The following KLRB1 variants were observed in gnomAD, a reference collection of about 807,000 sequenced individuals.
KLRB1 encodes killer cell lectin-like receptor subfamily B member 1.
KLRB1 carries 27 observed loss-of-function variants against 33.5 expected under a neutral mutation model. The ratio of observed to expected loss-of-function variants is 0.81; its 90% CI spans 0.59 to 1.11. The LOEUF (loss-of-function observed/expected upper bound fraction) is 1.11, where lower values mean the gene tolerates loss of function less well. KLRB1 is among the 50% of genes most tolerant of loss of function. The pLI, the probability that KLRB1 is intolerant of heterozygous loss-of-function variation, is 0.00. For synonymous variants in KLRB1, 64 were observed against 88.9 expected, an observed-to-expected ratio of 0.72 and a Z score of 1.58; for missense variants, 241 against 254.1, an observed-to-expected ratio of 0.95 and a Z score of 0.35.
intron 1 of KLRB1, among the ~76,000 whole-genome samples, chr12:9,604,358 A>G (rs1864577077): frequency 6.6e-6 from 1 of 152,018 alleles, no homozygotes; most frequent in Non-Finnish European, 1.5e-5. Context: ...ATATGTCCCT[A>G]TTTAAGCTGG....
At chr12:9,602,610 T>C (rs764721926) in intron 1 of KLRB1, among the ~76,000 whole-genome samples, 14 of 151,986 alleles carry the variant, frequency 9.2e-5, no homozygotes, top group Non-Finnish European at 1.2e-4. Context: ...TTTTAACATA[T>C]TAGATATATT....
chr12:9,605,813 T>G (rs1591658366), intron 1 of KLRB1, among the ~76,000 whole-genome samples: 3 of 152,202 alleles, frequency 2.0e-5, no homozygotes, highest in Admixed American at 2.0e-4. Flanking sequence ...TCTTATTTTT[T>G]CTTCAGGTTT....
In KLRB1 at chr12:9,595,403, A is replaced by G. The variant is rs1864483634; in HGVS notation, c.549T>C (p.Asp183=). ...TGGAAATACAGCTGTTTTCTTTAGC[A>G]TCACCTCTAATTTCTAAGCTGTGGA... ...LNSNDLEIRG[D]AKENSCISIS... is the part of the protein sequence containing the mutation. The change falls in exon 6 of 6, where the codon GAT becomes GAC. Residue 183 remains aspartate, a synonymous_variant. Coordinates refer to ENST00000229402, the MANE Select transcript of KLRB1 (RefSeq NM_002258.3). The G allele has an allele frequency of 1.2e-6, 2 of 1,612,510 alleles. No individual in the cohort carries two copies. Among genetic ancestry groups the G allele is most frequent in the Non-Finnish European group, 1.7e-6 (2 of 1,179,552 alleles).
chr12:9,604,379 T>C (rs1303159085), intron 1 of KLRB1, among the ~76,000 whole-genome samples: 1 of 147,966 alleles, frequency 6.8e-6, no homozygotes, highest in African/African-American at 2.5e-5. Context: ...CGCCCACTTC[T>C]GTTGGATGTT....
At position 9,598,634 on chromosome 12, in the gene KLRB1, G is replaced by A. The variant is rs764623181; in HGVS notation, c.279C>T (p.Asn93=). Residue 93 remains asparagine (N), a synonymous_variant, in exon 4 of 6, where the codon AAC becomes AAT. Coordinates refer to ENST00000229402, the MANE Select transcript of KLRB1 (RefSeq NM_002258.3). The stretch of plus-strand genomic sequence containing the variant: ...GGAGTTGCTGCCAATATATTGGGCA[G>A]TTTAAGAGACCCGGTCTCTCTAAAG... The part of the protein sequence containing the change: ...NKTTERPGLL[N]CPIYWQQLRE... 25 of 1,610,960 alleles carry A rather than the reference G, an allele frequency of 1.6e-5. No individual in the cohort carries two copies. Among genetic ancestry groups the A allele is most frequent in the Non-Finnish European group, 2.5e-6 (3 of 1,178,398 alleles).
chr12:9,606,756 A>ATTTTTTTTTTTTTTTTTTTTTTTTT (rs1188705968), intron 1 of KLRB1, among the ~76,000 whole-genome samples: 2 of 31,538 alleles, frequency 6.3e-5, no homozygotes, highest in Non-Finnish European at 1.1e-4. Flanking sequence ...ATATATATAT[A>ATTTTTTTTTTTTTTTTTTTTTTTTT]TATATTTTTT....
intron 2 of KLRB1, 143 bp downstream of exon 2, chr12:9,601,358 C>G: frequency 1.8e-6 from 1 of 559,572 alleles, no homozygotes; most frequent in Non-Finnish European, 3.2e-6. Context: ...GTCTCTGTGT[C>G]TTTTTCTTTT....
chr12:9,596,292 C>T (rs1183843359), intron 5 of KLRB1, among the ~76,000 whole-genome samples: 1 of 152,206 alleles, frequency 6.6e-6, no homozygotes, highest in East Asian at 1.9e-4. Flanking sequence ...GAACTTCTTT[C>T]AACTGGGCTA....
intron 1 of KLRB1, among the ~76,000 whole-genome samples, chr12:9,606,004 C>G (rs10771926): frequency 0.29 from 42,891 of 150,306 alleles, 6,848 homozygotes; most frequent in South Asian, 0.47. Context: ...GAAAGACTTA[C>G]TCTTTTCTTT....
rs1864617938 is a variant in KLRB1 at position 9,607,297 on chromosome 12, T to C, written c.85+458A>G. On this transcript the variant is annotated intron_variant, in intron 1 of 5. Transcript: ENST00000229402. ...CTTTCTCTCTCTTTCTTTTTCTTTC[T>C]CTCCTTTCTTTCTTTCTTCTTTTCT... 4.3e-5 allele frequency among the ~76,000 whole-genome samples: 4 copies of C among 92,362 alleles called. 1 individual carries two copies. Among genetic ancestry groups the C allele is most frequent in the African/African-American group, 1.6e-4 (3 of 18,840 alleles). The allele number at this position is 92,362 out of a possible 152,430, so 60.6% of individuals were successfully genotyped here. A position where few individuals can be genotyped will look rare whatever the true frequency, so the allele number is the denominator to read the frequency against.
At position 9,601,517 on chromosome 12, in the gene KLRB1, A is replaced by G. The variant is rs747695473; in HGVS notation, c.168T>C (p.Thr56=). The change falls in exon 2 of 6, where the codon ACT becomes ACC. Residue 56 remains threonine, a synonymous_variant. Coordinates refer to ENST00000229402, the MANE Select transcript of KLRB1 (RefSeq NM_002258.3). ...CCCACTTACCTGAAACACTCAACCC[A>G]GTAACAACCAAGACAAGGAGAATAA... The part of the protein sequence containing the change: ...AGIILLVLVV[T]GLSVSVTSLI... 8 of 1,612,738 alleles carry G rather than the reference A, an allele frequency of 5.0e-6. No homozygotes were observed. The African/African-American group carries it at 8.0e-5, about 16-fold the overall frequency.
chr12:9,601,182 G>C (rs1396368653), intron 2 of KLRB1, among the ~76,000 whole-genome samples: 1 of 149,382 alleles, frequency 6.7e-6, no homozygotes, highest in Non-Finnish European at 1.5e-5. Context: ...TCACGTGTTT[G>C]TCTGCTGACC....
Position 9,595,152 on chromosome 12 carries a change from T to A in KLRB1, c.*122A>T. ...CTGTAAGATTCATAACAGTTGTCAA[T>A]TCTCAGAATTGTTCACTTTGTGCCA... On this transcript the variant is annotated 3_prime_UTR_variant, in exon 6 of 6. Coordinates refer to ENST00000229402, the MANE Select transcript of KLRB1 (RefSeq NM_002258.3). The A allele has an allele frequency of 1.3e-6, 1 of 761,642 alleles. No individual in the cohort carries two copies. The highest frequency in any genetic ancestry group is 2.2e-6 in the Non-Finnish European group (1 of 455,614). The allele number at this position is 761,642 out of a possible 1,614,324, so 47.2% of individuals were successfully genotyped here. A position where few individuals can be genotyped will look rare whatever the true frequency, so the allele number is the denominator to read the frequency against.
chr12:9,598,568 C>A lies in KLRB1; in HGVS notation c.345G>T (p.Trp115Cys), dbSNP rs757149923. ...CLLFSHTVNPWNNSLADCSTK... is the reference protein window; with the variant it reads ...CLLFSHTVNPCNNSLADCSTK... ...TGGAACAATCAGCTAGACTGTTATT[C>A]CAAGGGTTGACAGTGTGAGAAAATA... Residue 115 changes from tryptophan (W) to cysteine (C), a missense_variant, in exon 4 of 6, where the codon TGG (tryptophan) becomes TGT (cysteine). Trp to Cys is a radical substitution (Grantham distance 215). Coordinates refer to ENST00000229402, the MANE Select transcript of KLRB1 (RefSeq NM_002258.3). 1.9e-6 allele frequency: 3 copies of A among 1,613,188 alleles called. No individual in the cohort carries two copies. The highest frequency in any genetic ancestry group is 2.5e-6 in the Non-Finnish European group (3 of 1,179,428).
At chr12:9,596,625 A>G in intron 5 of KLRB1, among the ~76,000 whole-genome samples, 1 of 152,220 alleles carries the variant, frequency 6.6e-6, no homozygotes, top group South Asian at 2.1e-4. Flanking sequence ...ATCTTAAAGC[A>G]TCATCTTTCT....
rs57960439 is a variant in KLRB1 at position 9,604,018 on chromosome 12, G to GT, written c.86-2420dup. Among the ~76,000 whole-genome samples, 284 of 142,922 alleles carry GT rather than the reference G, an allele frequency of 2.0e-3. 2 individuals carry two copies. The highest frequency in any genetic ancestry group is 5.3e-3 in the African/African-American group (209 of 39,582). 93.8% of individuals were successfully genotyped at this position (142,922 alleles called of 152,430 possible). On this transcript the variant is annotated intron_variant, in intron 1 of 5. Transcript: ENST00000229402. ...CAGCAGTTCTTTTTTTCTAAAAGTT[G>GT]TTTTTTTTTTTTAACTATAGGTAAA...
chr12:9,598,366 C>A, intron 4 of KLRB1, 133 bp downstream of exon 4: 1 of 775,134 alleles, frequency 1.3e-6, no homozygotes. Flanking sequence ...GTTTACATAT[C>A]CATGTAGTCA....
At position 9,601,641 on chromosome 12, in the gene KLRB1, C is replaced by CAAAT. The variant is rs397824223; in HGVS notation, c.86-43_86-42insATTT. The CAAAT allele has an allele frequency of 6.0e-4, 879 of 1,455,616 alleles. 1 individual carries two copies. Among genetic ancestry groups the CAAAT allele is most frequent in the South Asian group, 2.5e-3 (216 of 86,774 alleles). 90.2% of individuals were successfully genotyped at this position (1,455,616 alleles called of 1,614,324 possible). A position where few individuals can be genotyped will look rare whatever the true frequency, so the allele number is the denominator to read the frequency against. ...AAAAACACAAAAACAAACAAACAAA[C>CAAAT]GAAACAAAAAACCTTGGTTAACTCA... On this transcript the variant is annotated intron_variant, in intron 1 of 5. Transcript: ENST00000229402.
chr12:9,601,640 A>C (rs1864544523), intron 1 of KLRB1, 41 bp from the exon 2 acceptor site: 1 of 1,452,198 alleles, frequency 6.9e-7, no homozygotes, highest in Non-Finnish European at 9.6e-7. Context: ...AAACAAACAA[A>C]CGAAACAAAA....
Sources: gnomAD v4.1 joint callset for allele counts (sites outside exome capture counted in the v4.1 genomes callset) on GRCh38, gnomAD v4.1.1 for gene constraint, MANE v1.5 for transcripts, NCBI Gene and HGNC (gene_info 2026-07-23, HGNC 2026-07-21) for gene names.